TPRA1: variants seen among roughly 807,000 people sequenced by gnomAD.
The protein encoded by TPRA1 is transmembrane protein adipocyte associated 1.
In TPRA1, 28 loss-of-function variants were observed where a neutral mutation model predicts 40.1. That is an observed-to-expected ratio of 0.70 (90% CI 0.52 to 0.96). The LOEUF (loss-of-function observed/expected upper bound fraction) is 0.96. TPRA1 is among the 40% of genes least tolerant of loss of function. TPRA1 has a pLI of 0.00. For synonymous variants in TPRA1, 219 were observed against 209.7 expected (o/e 1.04, Z -0.38); for missense variants, 441 against 482.6 (o/e 0.91, Z 0.81).
At chr3:127,590,182 G>C (rs1022264894) in intron 1 of TPRA1, among the ~76,000 whole-genome samples, 4 of 152,126 alleles carry the variant, frequency 2.6e-5, no homozygotes, top group Non-Finnish European at 5.9e-5. Flanking sequence ...CGGGCCTCGC[G>C]TGCCCCCGCG....
chr3:127,591,236 C>G (rs2074163087), upstream of TPRA1: 1 of 152,702 alleles, frequency 6.5e-6, no homozygotes, highest in South Asian at 2.1e-4. Flanking sequence ...CCGCGCCACG[C>G]CGCAGGGCCG....
At chr3:127,577,396 A>G (rs1448589730) in intron 3 of TPRA1, among the ~76,000 whole-genome samples, 1 of 152,188 alleles carries the variant, frequency 6.6e-6, no homozygotes. Flanking sequence ...TCACATCACA[A>G]GCAGCACGCT....
Position 127,573,538 on chromosome 3 carries a change from T to G in TPRA1, c.1105A>C (p.Lys369Gln). Reference sequence around the variant, plus strand: ...AGCTGCCCTCAGGCATTGATGGCCTTCCAGCGCTCGCTGTCTGTGCTGTTG... The same window carrying G: ...AGCTGCCCTCAGGCATTGATGGCCTGCCAGCGCTCGCTGTCTGTGCTGTTG... ...SINSTDSERW[K>Q]AINA is the part of the protein sequence containing the mutation. Residue 369 changes from lysine to glutamine, a missense_variant, in exon 11 of 11, where the codon AAG becomes CAG. By Grantham distance (53) the Lys-to-Gln change is moderately conservative. Transcript: ENST00000355552. 1.2e-6 allele frequency: 2 copies of G among 1,612,340 alleles called. No individual in the cohort carries two copies. The highest frequency in any genetic ancestry group is 1.7e-6 in the Non-Finnish European group (2 of 1,179,540).
At chr3:127,584,074 G>C (rs2073920205) in intron 1 of TPRA1, among the ~76,000 whole-genome samples, 1 of 151,216 alleles carries the variant, frequency 6.6e-6, no homozygotes. Context: ...ACAAGGCCCT[G>C]CCCTCACAGC....
rs2073646239 is a variant in TPRA1, at chr3:127,576,770, A to G, written c.418+51T>C. On this transcript the variant is annotated intron_variant, in intron 5 of 10. Transcript: ENST00000355552. The surrounding 1 kb of genome is among the most constrained non-coding windows in gnomAD (Gnocchi z 4.6). Reference sequence around the variant, plus strand: ...CTCCAGAGTCAGCCCACAGCCAGGGAGGGGCAGGGGAGAGCATCGCCAGGG... The same window carrying G: ...CTCCAGAGTCAGCCCACAGCCAGGGGGGGGCAGGGGAGAGCATCGCCAGGG... 1 of 1,612,682 alleles carries G rather than the reference A, an allele frequency of 6.2e-7. No homozygotes were observed. Among genetic ancestry groups the G allele is most frequent in the Non-Finnish European group, 8.5e-7 (1 of 1,179,254 alleles).
At position 127,576,684 on chromosome 3, in the gene TPRA1, C is replaced by T. The variant is rs1393279388; in HGVS notation, c.431G>A (p.Ser144Asn). 2 of 1,610,518 alleles carry T rather than the reference C, an allele frequency of 1.2e-6. No homozygotes were observed. The highest frequency in any genetic ancestry group is 1.7e-6 in the Non-Finnish European group (2 of 1,178,454). ...ILGLAFGHLE[S>N]KSSIKRVLAI... The stretch of plus-strand genomic sequence containing the variant: ...CAGCACCCGCTTGATGCTGGACTTA[C>T]TCTCCAGGTGGCCTGGAAGAAACAT... Residue 144 changes from serine (S) to asparagine (N), a missense_variant, in exon 6 of 11, where the codon AGT (serine) becomes AAT (asparagine). Ser to Asn is a conservative substitution (Grantham distance 46). Transcript: ENST00000355552. The surrounding 1 kb of genome is among the most constrained non-coding windows in gnomAD (Gnocchi z 4.6).
intron 3 of TPRA1, among the ~76,000 whole-genome samples, chr3:127,577,702 G>A (rs938685751): frequency 2.0e-5 from 3 of 152,176 alleles, no homozygotes; most frequent in East Asian, 3.9e-4. Context: ...TTATCGGCCT[G>A]GTATATCCAT....
At chr3:127,591,842 G>A (rs917262087), upstream of TPRA1, 2 of 152,158 alleles carry the variant, frequency 1.3e-5, no homozygotes, top group Non-Finnish European at 2.9e-5. Flanking sequence ...TCAGAGCCTC[G>A]TGCAGATTGT....
At chr3:127,577,165 C>G (rs572439486) in intron 3 of TPRA1, 89 bp from the exon 4 acceptor site, 26 of 1,339,386 alleles carry the variant, frequency 1.9e-5, no homozygotes, top group African/African-American at 1.6e-4. Flanking sequence ...TCTACAGGAG[C>G]CTTTGATTCC....
chr3:127,575,126 T>G (rs1286822771), intron 10 of TPRA1, 59 bp downstream of exon 10: 3 of 1,570,048 alleles, frequency 1.9e-6, no homozygotes, highest in East Asian at 2.2e-5. Context: ...ACACCCATGC[T>G]GGAAGAAGGC....
chr3:127,584,544 A>AAACACAGT (rs2073943724), intron 1 of TPRA1, among the ~76,000 whole-genome samples: 1 of 151,774 alleles, frequency 6.6e-6, no homozygotes, highest in South Asian at 2.1e-4. Flanking sequence ...GAATGACAAG[A>AAACACAGT]AACACAGTAG....
chr3:127,586,399 C>T (rs148113011), intron 1 of TPRA1, among the ~76,000 whole-genome samples: 130 of 152,324 alleles, frequency 8.5e-4, no homozygotes, highest in African/African-American at 3.0e-3. Context: ...GGCTAGAGTG[C>T]AGTGGTGCAA....
chr3:127,593,393 T>C (rs1473659189), upstream of TPRA1, among the ~76,000 whole-genome samples: 1 of 152,088 alleles, frequency 6.6e-6, no homozygotes, highest in Non-Finnish European at 1.5e-5. Context: ...TGCTTAGGCG[T>C]GAGAAGCAAA....
At chr3:127,574,270 T>C (rs889580558) in intron 10 of TPRA1, among the ~76,000 whole-genome samples, 2 of 152,194 alleles carry the variant, frequency 1.3e-5, no homozygotes, top group East Asian at 1.9e-4. Context: ...GGGGAGAAAT[T>C]GTGTGCAAAG....
upstream of TPRA1, chr3:127,591,755 A>G (rs2074174089): frequency 6.6e-6 from 1 of 152,074 alleles, no homozygotes; most frequent in South Asian, 2.1e-4. Context: ...CCACCCTATT[A>G]TAGAATTCCA....
At chr3:127,580,215 C>A in intron 1 of TPRA1, 52 bp from the exon 2 acceptor site, 1 of 1,568,234 alleles carries the variant, frequency 6.4e-7, no homozygotes, top group Non-Finnish European at 8.6e-7. Context: ...CCACTGTCCT[C>A]CTTCCCCTGG....
chr3:127,577,888 G>A (rs2073698494), intron 3 of TPRA1, among the ~76,000 whole-genome samples: 1 of 152,254 alleles, frequency 6.6e-6, no homozygotes, highest in Non-Finnish European at 1.5e-5. Context: ...TTGTGAGAGA[G>A]ACCCAGGATG....
At chr3:127,577,865 C>G (rs1209172038) in intron 3 of TPRA1, among the ~76,000 whole-genome samples, 1 of 152,208 alleles carries the variant, frequency 6.6e-6, no homozygotes, top group Admixed American at 6.5e-5. Flanking sequence ...AGGGCATAGG[C>G]CCCAAGGGAG....
intron 3 of TPRA1, among the ~76,000 whole-genome samples, chr3:127,579,038 C>G (rs2073741711): frequency 1.3e-5 from 2 of 151,948 alleles, no homozygotes; most frequent in Admixed American, 1.3e-4. Context: ...GAAGCCCACA[C>G]CTGGCACCTA....
Sources: allele counts gnomAD v4.1 joint callset (sites outside exome capture counted in the v4.1 genomes callset), GRCh38; gene constraint gnomAD v4.1.1; non-coding constraint Gnocchi (gnomAD v3.1); transcripts MANE v1.5; gene names NCBI Gene and HGNC (gene_info 2026-07-23, HGNC 2026-07-21).